RREB1: variants seen among roughly 807,000 people sequenced by gnomAD.
The protein encoded by RREB1 is ras responsive element binding protein 1, also known as ras-responsive element-binding protein 1.
Under a neutral mutation model 117.8 loss-of-function variants are expected in RREB1, and 27 were observed. That is an observed-to-expected ratio of 0.23 (90% CI 0.17 to 0.32). The LOEUF (loss-of-function observed/expected upper bound fraction) is 0.32. Among genes scored for constraint, RREB1 ranks in the 10% least tolerant of loss-of-function variants. The probability of loss-of-function intolerance (pLI) is 1.00; values close to 1 mark genes in which losing one functional copy is unlikely to be tolerated. For missense variants in RREB1, 2,577 were observed against 2,378.2 expected, an observed-to-expected ratio of 1.08 and a Z score of -1.74; for synonymous variants, 1,298 against 1,026.7, an observed-to-expected ratio of 1.26 and a Z score of -5.05.
chr6:7,242,642 T>TTC (rs56090832), intron 11 of RREB1, among the ~76,000 whole-genome samples: 48,170 of 134,486 alleles, frequency 0.36, 8,014 homozygotes, highest in East Asian at 0.4. Flanking sequence ...CATTCTGGGT[T>TTC]CCCCCCCCCC....
intron 1 of RREB1, among the ~76,000 whole-genome samples, chr6:7,108,960 C>T (rs1397912212): frequency 1.4e-5 from 2 of 147,746 alleles, no homozygotes; most frequent in African/African-American, 5.0e-5. Context: ...TTCCCTCGCC[C>T]TTCCGTTGGC....
chr6:7,249,271 A>G lies in RREB1; in HGVS notation c.*303A>G, dbSNP rs1193139474. 1 of 365,860 alleles carries G rather than the reference A, an allele frequency of 2.7e-6. No individual in the cohort carries two copies. The highest frequency in any genetic ancestry group is 2.1e-5 in the African/African-American group (1 of 48,178). 22.7% of individuals were successfully genotyped at this position (365,860 alleles called of 1,614,324 possible). On this transcript the variant is annotated 3_prime_UTR_variant, in exon 13 of 13. Transcript: ENST00000379938. Reference sequence around the variant, plus strand: ...ACTTCTTAAACAAAACAAATATTATAATGAATTGTCTGGAGAGGACCTCTT... The same window carrying G: ...ACTTCTTAAACAAAACAAATATTATGATGAATTGTCTGGAGAGGACCTCTT...
intron 1 of RREB1, among the ~76,000 whole-genome samples, chr6:7,166,705 G>C (rs1327545204): frequency 6.6e-6 from 1 of 152,178 alleles, no homozygotes; most frequent in Non-Finnish European, 1.5e-5. Flanking sequence ...TCTTCCACAA[G>C]TCATTTTGGT....
chr6:7,139,275 TAC>T (rs1330715398), intron 1 of RREB1: 2 of 152,214 alleles, frequency 1.3e-5, no homozygotes, highest in Non-Finnish European at 2.9e-5. Context: ...CTGTTCTGGG[TAC>T]AGTGTGTGTA....
chr6:7,235,917 CT>C (rs1768283862), intron 10 of RREB1, among the ~76,000 whole-genome samples: 1 of 152,210 alleles, frequency 6.6e-6, no homozygotes. Context: ...GTTCCAGGAA[CT>C]GTGTTTGATG....
chr6:7,172,701 G>C (rs1387229484), intron 1 of RREB1, among the ~76,000 whole-genome samples: 1 of 151,908 alleles, frequency 6.6e-6, no homozygotes, highest in Non-Finnish European at 1.5e-5. Flanking sequence ...TGGGGGGGTG[G>C]GGGTGACTTT....
intron 9 of RREB1, among the ~76,000 whole-genome samples, chr6:7,227,005 C>G (rs1767622935): frequency 6.6e-6 from 1 of 152,272 alleles, no homozygotes; most frequent in South Asian, 2.1e-4. Context: ...CTTTGTGAGG[C>G]CAAGGCAGGA....
intron 6 of RREB1, among the ~76,000 whole-genome samples, chr6:7,195,286 A>G (rs1649162865): frequency 6.6e-6 from 1 of 152,226 alleles, no homozygotes; most frequent in African/African-American, 2.4e-5. Flanking sequence ...TTAAAAGAAC[A>G]TTTGGGTTTT....
At chr6:7,128,565 C>T (rs1274957006) in intron 1 of RREB1, among the ~76,000 whole-genome samples, 1 of 152,178 alleles carries the variant, frequency 6.6e-6, no homozygotes, top group African/African-American at 2.4e-5. Context: ...TGAGATCATG[C>T]AGCCAGTGAC....
rs764241757 is a variant in RREB1, at chr6:7,247,082, C to A, written c.4632C>A (p.Ser1544Arg). ...CCGAGAAAAGGTCCTCAGAGAAGAG[C>A]GACGATGACAAGAAACCAAAGACAG... ...SAAEKRSSEK[S>R]DDDKKPKTDS... Residue 1544 changes from serine to arginine, a missense_variant, in exon 12 of 13, where the codon AGC (serine) becomes AGA (arginine). Ser to Arg is a moderately radical substitution (Grantham distance 110, BLOSUM62 -1). Coordinates refer to ENST00000379938, the MANE Select transcript of RREB1 (RefSeq NM_001003699.4). The A allele has an allele frequency of 1.2e-6, 2 of 1,613,694 alleles. No homozygotes were observed. The highest frequency in any genetic ancestry group is 1.7e-6 in the Non-Finnish European group (2 of 1,179,952).
chr6:7,186,476 C>T (rs1765087380), intron 4 of RREB1, among the ~76,000 whole-genome samples: 1 of 152,162 alleles, frequency 6.6e-6, no homozygotes, highest in African/African-American at 2.4e-5. Flanking sequence ...TTCTGCTGAT[C>T]TTCAGAAATC....
intron 6 of RREB1, among the ~76,000 whole-genome samples, chr6:7,203,106 A>G (rs1766077034): frequency 6.6e-6 from 1 of 152,206 alleles, no homozygotes; most frequent in South Asian, 2.1e-4. Flanking sequence ...TGTCTAGAGT[A>G]AAAGATTTTT....
chr6:7,165,143 A>G (rs490826), intron 1 of RREB1, among the ~76,000 whole-genome samples: 24,028 of 152,162 alleles, frequency 0.16, 2,041 homozygotes, highest in East Asian at 0.28. Flanking sequence ...TGGAGCTGCA[A>G]TGGATGCCGG....
At chr6:7,156,897 G>A (rs2113448422) in intron 1 of RREB1, among the ~76,000 whole-genome samples, 1 of 152,314 alleles carries the variant, frequency 6.6e-6, no homozygotes, top group African/African-American at 2.4e-5. Context: ...ACCCATTCTT[G>A]TTCAAGAGCA....
chr6:7,152,664 C>T (rs1763176872), intron 1 of RREB1, among the ~76,000 whole-genome samples: 1 of 152,134 alleles, frequency 6.6e-6, no homozygotes, highest in Admixed American at 6.5e-5. Context: ...ACTGGAGGGG[C>T]CTATGAACTT....
chr6:7,112,593 AT>A (rs1400262678), intron 1 of RREB1, among the ~76,000 whole-genome samples: 1 of 152,144 alleles, frequency 6.6e-6, no homozygotes, highest in Non-Finnish European at 1.5e-5. Context: ...GGTACCTTAT[AT>A]CAAAGGTAAA....
At chr6:7,160,660 A>C (rs111536592) in intron 1 of RREB1, among the ~76,000 whole-genome samples, 58 of 150,840 alleles carry the variant, frequency 3.8e-4, no homozygotes, top group Admixed American at 7.9e-4. Flanking sequence ...CAGGCGCACA[A>C]CACCACACCT....
rs1298692879 is a variant in RREB1, at chr6:7,229,023, G to C, written c.924G>C (p.Arg308Ser). ...SQAWCETNLRRCISEQHRFVC... is the reference protein window; with the variant it reads ...SQAWCETNLRSCISEQHRFVC... ...CCTGGTGCGAAACAAACCTGCGGAGGTGCATCAGCGAGCAACACCGTTTTG... is the reference window on the plus strand; with the variant it reads ...CCTGGTGCGAAACAAACCTGCGGAGCTGCATCAGCGAGCAACACCGTTTTG... The change falls in exon 10 of 13, where the codon AGG (arginine) becomes AGC (serine). Residue 308 changes from arginine to serine, a missense_variant. Physicochemically the swap from Arg to Ser is moderately radical, Grantham distance 110. Coordinates refer to ENST00000379938, the MANE Select transcript of RREB1 (RefSeq NM_001003699.4). This position sits in a 1 kb window ranked among gnomAD's most constrained non-coding sequence, Gnocchi z 4.5. 6.5e-7 allele frequency: 1 copy of C among 1,536,150 alleles called. No homozygotes were observed. The highest frequency in any genetic ancestry group is 8.8e-7 in the Non-Finnish European group (1 of 1,137,424).
chr6:7,238,863 C>T lies in RREB1; in HGVS notation c.3809-1575C>T, dbSNP rs144212226. 7.2e-3 allele frequency among the ~76,000 whole-genome samples: 1,104 copies of T among 152,334 alleles called. 11 individuals are homozygous for T. Among genetic ancestry groups the T allele is most frequent in the Middle Eastern group, 0.024 (7 of 294 alleles). ...AGCATCATCTTAAAGGGTCTTTTAG[C>T]TCAGGAGGGAATCAATGTCCCCTGT... On this transcript the variant is annotated intron_variant, in intron 10 of 12. Coordinates refer to ENST00000379938, the MANE Select transcript of RREB1 (RefSeq NM_001003699.4).
Sources: gnomAD v4.1 joint callset for allele counts (sites outside exome capture counted in the v4.1 genomes callset) on GRCh38, gnomAD v4.1.1 for gene constraint, Gnocchi (gnomAD v3.1) non-coding constraint, MANE v1.5 for transcripts, NCBI Gene and HGNC (gene_info 2026-07-23, HGNC 2026-07-21) for gene names.